TENT5D: variants seen among roughly 807,000 people sequenced by gnomAD.
TENT5D encodes the protein terminal nucleotidyltransferase 5D.
For missense variants in TENT5D, 191 were observed against 287.0 expected (o/e 0.67, Z 2.42); for synonymous variants, 103 against 100.6 (o/e 1.02, Z -0.15).
At chrX:80,410,151 C>A (rs1931615669) in intron 3 of TENT5D, among the ~76,000 whole-genome samples, 1 of 108,439 alleles carries the variant, frequency 9.2e-6, no homozygotes, top group Admixed American at 1.0e-4. Flanking sequence ...TAGAAGAAAA[C>A]CTAGGCATCA....
chrX:80,346,517 T>G (rs1234914678), intron 3 of TENT5D, among the ~76,000 whole-genome samples: 1 of 112,036 alleles, frequency 8.9e-6, no homozygotes, highest in Non-Finnish European at 1.9e-5. Context: ...TCATTATCTT[T>G]TATTTTAGAT....
chrX:80,347,035 C>T (rs954038578), intron 3 of TENT5D, among the ~76,000 whole-genome samples: 3 of 111,633 alleles, frequency 2.7e-5, no homozygotes, highest in African/African-American at 9.8e-5. Context: ...GCATAGTATT[C>T]CGTAGTGTAT....
rs1354918016 is a variant in TENT5D at position 80,407,746 on chromosome X, T to C, written c.-141-30864T>C. On this transcript the variant is annotated intron_variant, in intron 3 of 4. Coordinates refer to the TENT5D transcript ENST00000538312. ...GAATTGAACTCAGCTCTGCACCAAG[T>C]GGACCTAATAGACATCTACAGAACT... Among the ~76,000 whole-genome samples the C allele has an allele frequency of 8.4e-5, 9 of 107,133 alleles. 1 individual carries two copies. The highest frequency in any genetic ancestry group is 3.0e-4 in the East Asian group (1 of 3,373). The allele number at this position is 107,133 out of a possible 115,157, so 93.0% of individuals were successfully genotyped here.
At chrX:80,360,134 C>A (rs1273499679) in intron 3 of TENT5D, among the ~76,000 whole-genome samples, 1 of 111,852 alleles carries the variant, frequency 8.9e-6, no homozygotes, top group African/African-American at 3.2e-5. Flanking sequence ...ATTACAAAAT[C>A]ATCTTTCCCC....
At position 80,350,077 on chromosome X, in the gene TENT5D, G is replaced by A. The variant is rs148795215; in HGVS notation, c.-142+7513G>A. 1.9e-3 allele frequency among the ~76,000 whole-genome samples: 213 copies of A among 111,286 alleles called. 2 individuals carry two copies. The highest frequency in any genetic ancestry group is 6.9e-3 in the African/African-American group (210 of 30,615). On this transcript the variant is annotated intron_variant, in intron 3 of 4. Transcript: ENST00000538312. ...GTGTTTTACTTCCAATTATGTGGAC[G>A]ATTTTAGAATAAGTGCTATGTGCTT...
At chrX:80,442,464 T>G in intron 2 of TENT5D, 58 bp from the exon 3 acceptor site, 9 of 877,588 alleles carry the variant, frequency 1.0e-5, no homozygotes, top group Non-Finnish European at 1.3e-5. Context: ...TTCATATGCT[T>G]TAGCATTGGT....
intron 1 of TENT5D, among the ~76,000 whole-genome samples, chrX:80,423,698 T>G (rs746182793): frequency 2.7e-5 from 3 of 109,355 alleles, no homozygotes; most frequent in African/African-American, 1.0e-4. Context: ...TTAAAGCATG[T>G]TTAGAAAAGA....
exon 3 of TENT5D, chrX:80,443,851 C>T: frequency 1.9e-6 from 1 of 538,937 alleles, no homozygotes; most frequent in Non-Finnish European, 2.9e-6. Flanking sequence ...ATAGTAGTTA[C>T]CAACTATTTT....
At chrX:80,395,128 T>G (rs1417132902) in intron 3 of TENT5D, among the ~76,000 whole-genome samples, 1 of 112,173 alleles carries the variant, frequency 8.9e-6, no homozygotes, top group Non-Finnish European at 1.9e-5. Flanking sequence ...TATTTTTCTT[T>G]CTGTGTCTGG....
intron 3 of TENT5D, among the ~76,000 whole-genome samples, chrX:80,407,582 A>G (rs1334524811): frequency 9.4e-6 from 1 of 106,871 alleles, no homozygotes; most frequent in African/African-American, 3.6e-5. Context: ...CCAATACAGG[A>G]GCACCCCGAT....
intron 3 of TENT5D, among the ~76,000 whole-genome samples, chrX:80,375,644 A>G: frequency 9.0e-6 from 1 of 110,818 alleles, no homozygotes; most frequent in Non-Finnish European, 1.9e-5. Flanking sequence ...TTGTGTACTC[A>G]TTTCTGGACA....
At chrX:80,340,218 G>T (rs1929932933) in intron 2 of TENT5D, among the ~76,000 whole-genome samples, 1 of 110,236 alleles carries the variant, frequency 9.1e-6, no homozygotes, top group African/African-American at 3.3e-5. Flanking sequence ...TCCAAGAGCT[G>T]TTTGAAAAAA....
intron 3 of TENT5D, among the ~76,000 whole-genome samples, chrX:80,401,935 T>C (rs980385830): frequency 3.7e-4 from 41 of 111,997 alleles, no homozygotes; most frequent in African/African-American, 1.3e-3. Flanking sequence ...GGAAGTATTC[T>C]CTCTGGAATT....
At chrX:80,405,965 G>A (rs1931482315) in intron 3 of TENT5D, among the ~76,000 whole-genome samples, 1 of 109,035 alleles carries the variant, frequency 9.2e-6, no homozygotes, top group East Asian at 2.9e-4. Context: ...CAGCCTAACT[G>A]GGAGGCACCC....
chrX:80,348,694 A>G (rs1316557412), intron 3 of TENT5D, among the ~76,000 whole-genome samples: 2 of 111,738 alleles, frequency 1.8e-5, no homozygotes, highest in Non-Finnish European at 3.8e-5. Flanking sequence ...TTCCAATGCT[A>G]TGTTGAATGG....
intron 3 of TENT5D, among the ~76,000 whole-genome samples, chrX:80,355,485 A>G (rs1286200135): frequency 9.0e-6 from 1 of 111,611 alleles, no homozygotes; most frequent in Non-Finnish European, 1.9e-5. Flanking sequence ...GCCATGCTCC[A>G]CTGCAGCTGT....
intron 3 of TENT5D, among the ~76,000 whole-genome samples, chrX:80,364,368 T>G (rs778170504): frequency 1.8e-5 from 2 of 111,952 alleles, no homozygotes; most frequent in African/African-American, 3.2e-5. Context: ...AGGCAGAGAT[T>G]AATTCTTTAC....
upstream of TENT5D, among the ~76,000 whole-genome samples, chrX:80,418,147 G>A (rs908810777): frequency 1.8e-5 from 2 of 110,203 alleles, no homozygotes; most frequent in Non-Finnish European, 3.8e-5. Flanking sequence ...CTTGAAAAGG[G>A]ATCTTTAATG....
intron 3 of TENT5D, among the ~76,000 whole-genome samples, chrX:80,396,720 G>A (rs1192627325): frequency 9.7e-5 from 10 of 103,522 alleles, no homozygotes; most frequent in East Asian, 9.4e-4. Context: ...TCTTTTCCCC[G>A]CCTTTCCCCT....
Sources: gnomAD v4.1 joint callset for allele counts (sites outside exome capture counted in the v4.1 genomes callset) on GRCh38, gnomAD v4.1.1 for gene constraint, MANE v1.5 for transcripts, NCBI Gene and HGNC (gene_info 2026-07-23, HGNC 2026-07-21) for gene names.